The following C2orf76 variants were observed in gnomAD, a reference collection of about 807,000 sequenced individuals.
The protein encoded by C2orf76 is chromosome 2 open reading frame 76.
Under a neutral mutation model 16.9 loss-of-function variants are expected in C2orf76, and 23 were observed. That is an observed-to-expected ratio of 1.36 (90% CI 0.98 to 1.93). The LOEUF (loss-of-function observed/expected upper bound fraction) is 1.93, where lower values mean the gene tolerates loss of function less well. Ranked by LOEUF, C2orf76 falls within the 30% of genes most tolerant of loss-of-function variation. The probability of loss-of-function intolerance (pLI) is 0.00; values close to 1 mark genes in which losing one functional copy is unlikely to be tolerated. For synonymous variants in C2orf76, 48 were observed against 52.3 expected, an observed-to-expected ratio of 0.92 and a Z score of 0.35; for missense variants, 152 against 152.6, an observed-to-expected ratio of 1.00 and a Z score of 0.02.
At chr2:119,325,814 AATG>A (rs1679492738) in intron 2 of C2orf76, among the ~76,000 whole-genome samples, 1 of 151,970 alleles carries the variant, frequency 6.6e-6, no homozygotes, top group African/African-American at 2.4e-5. Flanking sequence ...ACTAAAGACT[AATG>A]ATGAGTATTA....
At chr2:119,340,324 T>C (rs1229635266) in intron 1 of C2orf76, 3 of 181,396 alleles carry the variant, frequency 1.7e-5, no homozygotes, top group Non-Finnish European at 3.4e-5. Flanking sequence ...CACACGCCTA[T>C]TGTGGGTGCC....
At chr2:119,346,871 C>T (rs1166960054) in intron 1 of C2orf76, among the ~76,000 whole-genome samples, 2 of 152,030 alleles carry the variant, frequency 1.3e-5, no homozygotes, top group East Asian at 3.9e-4. Context: ...TTCAATTTCC[C>T]GGCTGTAAAA....
At chr2:119,317,594 G>T in intron 3 of C2orf76, 91 bp from the exon 4 acceptor site, 1 of 994,362 alleles carries the variant, frequency 1.0e-6, no homozygotes, top group Non-Finnish European at 1.5e-6. Flanking sequence ...CTACGAAATT[G>T]AGAAATGTAA....
intron 4 of C2orf76, among the ~76,000 whole-genome samples, chr2:119,314,826 T>G (rs951609778): frequency 6.6e-6 from 1 of 152,194 alleles, no homozygotes; most frequent in Non-Finnish European, 1.5e-5. Context: ...ATCCAAAATA[T>G]CCTAAGCATT....
At chr2:119,316,158 A>G (rs1679166481) in intron 4 of C2orf76, among the ~76,000 whole-genome samples, 1 of 152,228 alleles carries the variant, frequency 6.6e-6, no homozygotes, top group Admixed American at 6.5e-5. Context: ...AACATTACCT[A>G]TTCTCTACAT....
At chr2:119,359,416 C>T (rs1455946766) in intron 1 of C2orf76, among the ~76,000 whole-genome samples, 1 of 152,140 alleles carries the variant, frequency 6.6e-6, no homozygotes, top group East Asian at 1.9e-4. Flanking sequence ...TAAGAAAATA[C>T]ATCTTGTAAG....
intron 4 of C2orf76, among the ~76,000 whole-genome samples, chr2:119,315,588 C>T (rs1164493861): frequency 6.6e-6 from 1 of 152,100 alleles, no homozygotes; most frequent in Non-Finnish European, 1.5e-5. Context: ...GTTTTAAAAC[C>T]GTATCTGTGA....
At chr2:119,341,256 G>C (rs920812015) in intron 1 of C2orf76, among the ~76,000 whole-genome samples, 3 of 152,088 alleles carry the variant, frequency 2.0e-5, no homozygotes, top group Non-Finnish European at 4.4e-5. Context: ...TGATCCTCCT[G>C]CCTTGGCCTC....
At chr2:119,296,736 A>G in the C2orf76 span, among the ~76,000 whole-genome samples, 18 of 152,356 alleles carry the variant, frequency 1.2e-4, no homozygotes, top group Middle Eastern at 6.8e-3. Flanking sequence ...TCAAAGTCAC[A>G]TGAAACCTGG....
At chr2:119,341,561 A>G (rs917795332) in intron 1 of C2orf76, among the ~76,000 whole-genome samples, 1 of 152,182 alleles carries the variant, frequency 6.6e-6, no homozygotes, top group African/African-American at 2.4e-5. Flanking sequence ...TCATTTATCT[A>G]TGTTGAAAGA....
intron 1 of C2orf76, among the ~76,000 whole-genome samples, chr2:119,357,529 G>T (rs571972159): frequency 6.7e-6 from 1 of 148,806 alleles, no homozygotes; most frequent in Non-Finnish European, 1.5e-5. Flanking sequence ...TGACAATAAG[G>T]ACTCTCAGAA....
At chr2:119,318,467 G>A (rs1679246397) in intron 3 of C2orf76, among the ~76,000 whole-genome samples, 1 of 151,746 alleles carries the variant, frequency 6.6e-6, no homozygotes, top group African/African-American at 2.4e-5. Flanking sequence ...TGGCTATCTA[G>A]ATAAGAACTA....
intron 1 of C2orf76, among the ~76,000 whole-genome samples, chr2:119,362,665 A>C (rs956544962): frequency 6.6e-6 from 1 of 152,204 alleles, no homozygotes; most frequent in African/African-American, 2.4e-5. Context: ...GCAGCACCTG[A>C]CCAGTGTATG....
intron 5 of C2orf76, among the ~76,000 whole-genome samples, chr2:119,303,230 T>C (rs558585937): frequency 6.8e-4 from 104 of 152,376 alleles, no homozygotes; most frequent in Non-Finnish European, 1.1e-3. Context: ...GCAGTCACAA[T>C]TCTTTCAACC....
intron 2 of C2orf76, among the ~76,000 whole-genome samples, chr2:119,325,704 T>C (rs1679489732): frequency 6.6e-6 from 1 of 152,190 alleles, no homozygotes; most frequent in African/African-American, 2.4e-5. Context: ...GTTCCAATTC[T>C]TCCACATCCT....
chr2:119,335,483 G>A (rs1246257957), intron 2 of C2orf76, among the ~76,000 whole-genome samples: 1 of 152,216 alleles, frequency 6.6e-6, no homozygotes, highest in Non-Finnish European at 1.5e-5. Context: ...GCATATGTCA[G>A]AGGAGCACAG....
intron 5 of C2orf76, among the ~76,000 whole-genome samples, chr2:119,310,338 C>T (rs970776626): frequency 6.6e-6 from 1 of 152,170 alleles, no homozygotes; most frequent in African/African-American, 2.4e-5. Context: ...TTCAAAATAA[C>T]AACCTTACAT....
chr2:119,282,344 C>T, the C2orf76 span, among the ~76,000 whole-genome samples: 13 of 152,112 alleles, frequency 8.5e-5, no homozygotes, highest in Admixed American at 6.5e-5. Context: ...CTGTTCATGG[C>T]GCTGCCAGGG....
the C2orf76 span, among the ~76,000 whole-genome samples, chr2:119,286,745 G>A: frequency 2.6e-5 from 4 of 152,152 alleles, no homozygotes; most frequent in Non-Finnish European, 5.9e-5. Context: ...AGAGTCTGCA[G>A]GGAAGGACAC....
Sources: allele counts gnomAD v4.1 joint callset (sites outside exome capture counted in the v4.1 genomes callset), GRCh38; gene constraint gnomAD v4.1.1; transcripts MANE v1.5; gene names NCBI Gene and HGNC (gene_info 2026-07-23, HGNC 2026-07-21).